Variants in TRANK1 observed in about 807,000 individuals in gnomAD.
TRANK1 encodes tetratricopeptide repeat and ankyrin repeat containing 1, also known as TPR and ankyrin repeat-containing protein 1.
A neutral mutation model predicts 266.0 loss-of-function variants in TRANK1; 198 were observed. The observed-to-expected ratio is 0.74, with a 90% CI of 0.66 to 0.84. The LOEUF (loss-of-function observed/expected upper bound fraction) is 0.84, where lower values mean the gene tolerates loss of function less well. Among genes scored for constraint, TRANK1 ranks in the 40% least tolerant of loss-of-function variants. The pLI, the probability that TRANK1 is intolerant of heterozygous loss-of-function variation, is 0.00. For missense variants in TRANK1, 3,326 were observed against 3,634.6 expected, an observed-to-expected ratio of 0.92 and a Z score of 2.18; for synonymous variants, 1,396 against 1,384.1, an observed-to-expected ratio of 1.01 and a Z score of -0.19.
At chr3:36,870,962 T>TAAAAAAAAAAAAAAAAA (rs563787088) in intron 9 of TRANK1, among the ~76,000 whole-genome samples, 12 of 65,084 alleles carry the variant, frequency 1.8e-4, no homozygotes, top group Admixed American at 3.8e-4. Context: ...ACAAGGAAAC[T>TAAAAAAAAAAAAAAAAA]AAAAAAAAAA....
At chr3:36,852,389 G>A in intron 13 of TRANK1, 44 bp from the exon 14 acceptor site, 3 of 1,495,122 alleles carry the variant, frequency 2.0e-6, no homozygotes, top group Non-Finnish European at 2.7e-6. Context: ...TAACAACATG[G>A]CTGAGTTTTT....
At chr3:36,872,618 A>T (rs543377548) in intron 9 of TRANK1, among the ~76,000 whole-genome samples, 12 of 152,338 alleles carry the variant, frequency 7.9e-5, no homozygotes, top group African/African-American at 2.9e-4. Flanking sequence ...AAATGCAGCA[A>T]TGGACAAGAT....
intron 2 of TRANK1, among the ~76,000 whole-genome samples, chr3:36,904,544 T>C (rs2079933964): frequency 6.6e-6 from 1 of 151,726 alleles, no homozygotes; most frequent in African/African-American, 2.4e-5. Flanking sequence ...AAAATCTTAA[T>C]CGTAAAAATA....
At position 36,873,956 on chromosome 3, in the gene TRANK1, T is replaced by TA. The variant is rs373590008; in HGVS notation, c.1078+169dup. Reference sequence around the variant, plus strand: ...AATAAGAGCTATCTCATTCTACCTTTAAAAAAAAAAAAAAAAAGCAAACAA... The same window carrying TA: ...AATAAGAGCTATCTCATTCTACCTTTAAAAAAAAAAAAAAAAAAGCAAACAA... On this transcript the variant is annotated intron_variant, in intron 9 of 23. Transcript: ENST00000645898. 5.0e-3 allele frequency among the ~76,000 whole-genome samples: 640 copies of TA among 126,834 alleles called. 8 individuals are homozygous for TA. Among genetic ancestry groups the TA allele is most frequent in the East Asian group, 0.024 (106 of 4,482 alleles). 83.2% of individuals were successfully genotyped at this position (126,834 alleles called of 152,430 possible).
At position 36,899,126 on chromosome 3, in the gene TRANK1, A is replaced by T. The variant is rs1168280281; in HGVS notation, c.416T>A (p.Val139Asp). 4 of 1,537,154 alleles carry T rather than the reference A, an allele frequency of 2.6e-6. No homozygotes were observed. Among genetic ancestry groups the T allele is most frequent in the Non-Finnish European group, 3.5e-6 (4 of 1,146,898 alleles). ...CAACTTACTGCTCATAGTGGTGAAG[A>T]CTCCAACAAGGAAATCAGCAACCGG... is the stretch of plus-strand genomic sequence containing the variant. ...QAPVADFLVG[V>D]FTTMSSDSIV... Residue 139 changes from valine (V) to aspartate (D), a missense_variant, in exon 4 of 24, where the codon GTC (valine) becomes GAC (aspartate). Physicochemically the swap from Val to Asp is radical, Grantham distance 152. Coordinates refer to ENST00000645898, the MANE Select transcript of TRANK1 (RefSeq NM_001329998.2).
At chr3:36,871,163 C>T (rs1194487141) in intron 9 of TRANK1, among the ~76,000 whole-genome samples, 8 of 151,716 alleles carry the variant, frequency 5.3e-5, no homozygotes, top group Non-Finnish European at 2.9e-5. Context: ...CGAAGGTGGG[C>T]GATCACCTGA....
chr3:36,908,555 T>C (rs1399524844), intron 1 of TRANK1, 101 bp from the exon 2 acceptor site: 7 of 1,231,252 alleles, frequency 5.7e-6, no homozygotes, highest in Non-Finnish European at 6.1e-6. Flanking sequence ...TCGCTCACTA[T>C]GGCCCCACCC....
chr3:36,907,300 G>A (rs958586753), intron 2 of TRANK1, among the ~76,000 whole-genome samples: 3 of 151,818 alleles, frequency 2.0e-5, no homozygotes, highest in African/African-American at 7.3e-5. Flanking sequence ...ACAGGCGTGC[G>A]CCACTACGCC....
intron 8 of TRANK1, among the ~76,000 whole-genome samples, chr3:36,889,252 G>GA (rs1166525268): frequency 6.6e-6 from 1 of 152,148 alleles, no homozygotes; most frequent in Non-Finnish European, 1.5e-5. Context: ...AGAGTTTCAA[G>GA]AAAAATGAGT....
At position 36,903,243 on chromosome 3, in the gene TRANK1, C is replaced by T; in HGVS notation, c.188G>A (p.Cys63Tyr). 1.3e-6 allele frequency: 2 copies of T among 1,537,332 alleles called. No homozygotes were observed. Among genetic ancestry groups the T allele is most frequent in the Non-Finnish European group, 1.7e-6 (2 of 1,146,938 alleles). ...GCTGAAAAATGCATTTGATTTGTTG[C>T]ACAGCAGCACAGCCAAGTCCCTCGG... ...VPPRDLAVLLCNKSNAFFSLG... is the reference protein window; with the variant it reads ...VPPRDLAVLLYNKSNAFFSLG... Residue 63 changes from cysteine to tyrosine, a missense_variant, in exon 3 of 24, where the codon TGC (cysteine) becomes TAC (tyrosine). Coordinates refer to ENST00000645898, the MANE Select transcript of TRANK1 (RefSeq NM_001329998.2).
intron 7 of TRANK1, 80 bp from the exon 8 acceptor site, chr3:36,890,040 T>A: frequency 6.0e-6 from 9 of 1,492,694 alleles, no homozygotes; most frequent in Non-Finnish European, 7.1e-6. Flanking sequence ...AAGCAATAGA[T>A]TAAAAAGAAA....
At chr3:36,926,009 T>A (rs1389369525) in intron 1 of TRANK1, among the ~76,000 whole-genome samples, 1 of 152,194 alleles carries the variant, frequency 6.6e-6, no homozygotes, top group Non-Finnish European at 1.5e-5. Flanking sequence ...AGGGAAGTAG[T>A]ATACAATTGC....
chr3:36,881,010 G>C (rs1322870308), intron 8 of TRANK1, among the ~76,000 whole-genome samples: 1 of 150,400 alleles, frequency 6.6e-6, no homozygotes. Context: ...TCATGGGTCT[G>C]TGGCATCTAC....
chr3:36,899,068 T>C, intron 4 of TRANK1, 41 bp downstream of exon 4: 6 of 1,528,684 alleles, frequency 3.9e-6, no homozygotes, highest in Non-Finnish European at 5.3e-6. Flanking sequence ...TTCAATAAAA[T>C]AGCAAGGACT....
Position 36,838,640 on chromosome 3 carries a change from C to T in TRANK1, c.5357G>A (p.Ser1786Asn), listed in dbSNP as rs766476237. The T allele has an allele frequency of 6.2e-7, 1 of 1,613,944 alleles. No homozygotes were observed. The change falls in exon 19 of 24, where the codon AGC (serine) becomes AAC (asparagine). Residue 1786 changes from serine (S) to asparagine (N), a missense_variant. Coordinates refer to ENST00000645898, the MANE Select transcript of TRANK1 (RefSeq NM_001329998.2). ...KLALAHDTALSMKSKKVSPKE... is the reference protein window; with the variant it reads ...KLALAHDTALNMKSKKVSPKE... ...GGGGCTGACTTTCTTGGATTTCATGCTCAGGGCAGTGTCATGGGCCAGGGC... is the reference window on the plus strand; with the variant it reads ...GGGGCTGACTTTCTTGGATTTCATGTTCAGGGCAGTGTCATGGGCCAGGGC...
At chr3:36,880,450 T>G (rs917052051) in intron 8 of TRANK1, 7 of 209,862 alleles carry the variant, frequency 3.3e-5, no homozygotes, top group African/African-American at 1.7e-4. Flanking sequence ...GATAAAGTAT[T>G]TTGTAATTCC....
chr3:36,851,064 T>C, intron 15 of TRANK1: 1 of 985,422 alleles, frequency 1.0e-6, no homozygotes. Flanking sequence ...GCTCTACCCA[T>C]AATGAACTAA....
intron 9 of TRANK1, among the ~76,000 whole-genome samples, chr3:36,867,437 G>T (rs2079242789): frequency 6.6e-6 from 1 of 152,218 alleles, no homozygotes; most frequent in Non-Finnish European, 1.5e-5. Context: ...TGTTAAGAAG[G>T]CAGTTATAGA....
chr3:36,919,201 C>A (rs923081322), intron 1 of TRANK1, among the ~76,000 whole-genome samples: 1 of 152,168 alleles, frequency 6.6e-6, no homozygotes, highest in Non-Finnish European at 1.5e-5. Context: ...CACTACTCTT[C>A]GGTGTTCAGC....
Sources: gnomAD v4.1 joint callset for allele counts (sites outside exome capture counted in the v4.1 genomes callset) on GRCh38, gnomAD v4.1.1 for gene constraint, MANE v1.5 for transcripts, NCBI Gene and HGNC (gene_info 2026-07-23, HGNC 2026-07-21) for gene names.